Variants in GPM6A observed in about 807,000 individuals in gnomAD.
GPM6A encodes the protein neuronal membrane glycoprotein M6-a.
A neutral mutation model predicts 32.1 loss-of-function variants in GPM6A; 7 were observed. The ratio of observed to expected loss-of-function variants is 0.22; its 90% CI spans 0.12 to 0.41. The LOEUF (loss-of-function observed/expected upper bound fraction) is 0.41, where lower values mean the gene tolerates loss of function less well. Among genes scored for constraint, GPM6A ranks in the 10% least tolerant of loss-of-function variants. The probability of loss-of-function intolerance (pLI) is 1.00; values close to 1 mark genes in which losing one functional copy is unlikely to be tolerated. For synonymous variants in GPM6A, 130 were observed against 123.4 expected (o/e 1.05, Z -0.35); for missense variants, 235 against 347.2 (o/e 0.68, Z 2.57).
intron 1 of GPM6A, among the ~76,000 whole-genome samples, chr4:175,933,106 A>G (rs982877681): frequency 6.6e-6 from 1 of 152,104 alleles, no homozygotes; most frequent in Non-Finnish European, 1.5e-5. Context: ...GAAAAGATAC[A>G]CCAAGCAAAT....
At chr4:175,832,995 C>T (rs1735660843) in intron 1 of GPM6A, among the ~76,000 whole-genome samples, 1 of 152,178 alleles carries the variant, frequency 6.6e-6, no homozygotes, top group Non-Finnish European at 1.5e-5. Context: ...ATACAATTGC[C>T]AACAGCAGCT....
intron 1 of GPM6A, among the ~76,000 whole-genome samples, chr4:175,896,813 G>A (rs1247501254): frequency 6.6e-6 from 1 of 152,120 alleles, no homozygotes; most frequent in African/African-American, 2.4e-5. Context: ...GCCATATTCT[G>A]TGTTAGTCAA....
chr4:175,842,080 C>CT (rs1434491237), intron 1 of GPM6A, among the ~76,000 whole-genome samples: 1 of 151,906 alleles, frequency 6.6e-6, no homozygotes, highest in Non-Finnish European at 1.5e-5. Context: ...AAATTTAGTT[C>CT]TTTTTGGTGT....
chr4:175,918,091 T>C (rs983547166), intron 1 of GPM6A, among the ~76,000 whole-genome samples: 6 of 151,882 alleles, frequency 4.0e-5, no homozygotes, highest in African/African-American at 1.2e-4. Flanking sequence ...ACAATGAAAA[T>C]TTCTATAGAG....
chr4:175,738,616 G>A, intron 1 of GPM6A, among the ~76,000 whole-genome samples: 1 of 151,342 alleles, frequency 6.6e-6, no homozygotes, highest in Non-Finnish European at 1.5e-5. Flanking sequence ...AAAAATAGAG[G>A]GCTCAGAAGT....
chr4:175,840,164 T>C (rs1735891692), intron 1 of GPM6A, among the ~76,000 whole-genome samples: 1 of 152,176 alleles, frequency 6.6e-6, no homozygotes. Context: ...TTCTCATAAT[T>C]AGCGTTAAAT....
chr4:175,657,226 G>C (rs1254678175), intron 3 of GPM6A, among the ~76,000 whole-genome samples: 2 of 152,134 alleles, frequency 1.3e-5, no homozygotes, highest in African/African-American at 2.4e-5. Flanking sequence ...TTTTATCAAA[G>C]GCAGAAATAG....
intron 1 of GPM6A, among the ~76,000 whole-genome samples, chr4:175,947,334 C>A (rs1253086790): frequency 2.6e-5 from 4 of 152,004 alleles, no homozygotes; most frequent in African/African-American, 9.7e-5. Context: ...AAAACTTCGA[C>A]TGAAGAAAGT....
chr4:175,924,157 A>T (rs1738757659), intron 1 of GPM6A, among the ~76,000 whole-genome samples: 1 of 152,202 alleles, frequency 6.6e-6, no homozygotes, highest in Non-Finnish European at 1.5e-5. Context: ...CTTATGCAAC[A>T]ATTAGAGCTC....
chr4:175,651,396 A>G (rs1741797024), intron 4 of GPM6A, among the ~76,000 whole-genome samples: 1 of 151,966 alleles, frequency 6.6e-6, no homozygotes, highest in African/African-American at 2.4e-5. Context: ...ATTAAATGCT[A>G]ATTAAGATGC....
At chr4:175,941,564 C>T (rs1448868190) in intron 1 of GPM6A, among the ~76,000 whole-genome samples, 1 of 152,090 alleles carries the variant, frequency 6.6e-6, no homozygotes, top group African/African-American at 2.4e-5. Flanking sequence ...CGCAACAGGC[C>T]CTGGTGTGTG....
intron 1 of GPM6A, among the ~76,000 whole-genome samples, chr4:175,858,418 G>T (rs1185454097): frequency 6.6e-6 from 1 of 151,866 alleles, no homozygotes; most frequent in African/African-American, 2.4e-5. Context: ...TATAATCTCA[G>T]CTACTCGGGA....
chr4:175,885,020 AT>A (rs1465333706), intron 1 of GPM6A, among the ~76,000 whole-genome samples: 1 of 152,210 alleles, frequency 6.6e-6, no homozygotes, highest in Non-Finnish European at 1.5e-5. Flanking sequence ...AAATCTTATG[AT>A]TAGCAATTCC....
Position 175,636,297 on chromosome 4 carries a change from T to TAC in GPM6A, c.685-1242_685-1241dup, listed in dbSNP as rs1553967496. Among the ~76,000 whole-genome samples the TAC allele has an allele frequency of 2.0e-3, 261 of 132,072 alleles. 3 individuals carry two copies. Among genetic ancestry groups the TAC allele is most frequent in the African/African-American group, 6.1e-3 (211 of 34,856 alleles). The allele number at this position is 132,072 out of a possible 152,430, so 86.6% of individuals were successfully genotyped here. ...ATATATATATATATATATATATATATACATATATATATGGATTAAATAAGG... is the reference window on the plus strand; with the variant it reads ...ATATATATATATATATATATATATATACACATATATATATGGATTAAATAAGG... On this transcript the variant is annotated intron_variant, in intron 6 of 6. Coordinates refer to ENST00000393658, the MANE Select transcript of GPM6A (RefSeq NM_201591.3).
chr4:175,775,648 CCTTAAAGGA>C (rs1733363426), intron 1 of GPM6A, among the ~76,000 whole-genome samples: 1 of 151,936 alleles, frequency 6.6e-6, no homozygotes, highest in Non-Finnish European at 1.5e-5. Context: ...TTTCATATTC[CCTTAAAGGA>C]CTACCTATTA....
At chr4:175,728,844 G>A (rs1731288946) in intron 1 of GPM6A, among the ~76,000 whole-genome samples, 1 of 152,026 alleles carries the variant, frequency 6.6e-6, no homozygotes, top group Admixed American at 6.6e-5. Flanking sequence ...TACTTTTTCT[G>A]CTACTGAGGC....
chr4:175,784,794 C>G (rs544097838), intron 1 of GPM6A, among the ~76,000 whole-genome samples: 3 of 152,206 alleles, frequency 2.0e-5, no homozygotes, highest in Admixed American at 6.5e-5. Context: ...TGAGGCAATA[C>G]TTGGTTGTGA....
intron 1 of GPM6A, among the ~76,000 whole-genome samples, chr4:175,993,448 C>T (rs1287769268): frequency 6.6e-6 from 1 of 151,894 alleles, no homozygotes; most frequent in African/African-American, 2.4e-5. Flanking sequence ...GTCCTTCTTG[C>T]CTTAATGTTC....
intron 1 of GPM6A, among the ~76,000 whole-genome samples, chr4:175,725,289 G>GT (rs1178579913): frequency 2.0e-5 from 2 of 99,156 alleles, no homozygotes; most frequent in African/African-American, 3.5e-5. Context: ...TATGTTTTGG[G>GT]TTTTTGTTTT....
Sources: allele counts gnomAD v4.1 joint callset (sites outside exome capture counted in the v4.1 genomes callset), GRCh38; gene constraint gnomAD v4.1.1; transcripts MANE v1.5; gene names NCBI Gene and HGNC (gene_info 2026-07-23, HGNC 2026-07-21).